MOB1B: variants seen among roughly 807,000 people sequenced by gnomAD.
The protein encoded by MOB1B is MOB1 Mps One Binder homolog B.
In MOB1B, 19 loss-of-function variants were observed where a neutral mutation model predicts 24.4. That is an observed-to-expected ratio of 0.78 (90% CI 0.54 to 1.14). The LOEUF is 1.14. MOB1B is among the 50% of genes most tolerant of loss of function. The pLI, the probability that MOB1B is intolerant of heterozygous loss-of-function variation, is 0.00. For synonymous variants in MOB1B, 76 were observed against 82.1 expected, an observed-to-expected ratio of 0.93 and a Z score of 0.40; for missense variants, 243 against 259.6, an observed-to-expected ratio of 0.94 and a Z score of 0.44.
chr4:70,965,864 C>T (rs1331469177), intron 2 of MOB1B, among the ~76,000 whole-genome samples: 1 of 145,906 alleles, frequency 6.9e-6, no homozygotes, highest in Non-Finnish European at 1.5e-5. Context: ...AAATTTATCC[C>T]AATAAATTTG....
rs1739368885 is a variant in MOB1B, at chr4:70,986,034, T to C, written c.*3977T>C. Reference sequence around the variant, plus strand: ...ATCACTTGGATGTGGAGGTTTTACTTTTTAAAAACATTCAGCTTAATTACC... The same window carrying C: ...ATCACTTGGATGTGGAGGTTTTACTCTTTAAAAACATTCAGCTTAATTACC... On this transcript the variant is annotated 3_prime_UTR_variant, in exon 6 of 6. Coordinates refer to ENST00000309395, the MANE Select transcript of MOB1B (RefSeq NM_173468.4). 6.6e-6 allele frequency: 1 copy of C among 152,238 alleles called. No individual in the cohort carries two copies. The highest frequency in any genetic ancestry group is 1.5e-5 in the Non-Finnish European group (1 of 68,040). 9.4% of individuals were successfully genotyped at this position (152,238 alleles called of 1,614,324 possible). A position where few individuals can be genotyped will look rare whatever the true frequency, so the allele number is the denominator to read the frequency against.
chr4:70,912,824 G>A (rs994674010), intron 1 of MOB1B, among the ~76,000 whole-genome samples: 10 of 152,084 alleles, frequency 6.6e-5, no homozygotes, highest in African/African-American at 1.4e-4. Flanking sequence ...GCAGTGGCCC[G>A]ATCTCGACTC....
intron 3 of MOB1B, among the ~76,000 whole-genome samples, chr4:70,971,053 T>A (rs1738733389): frequency 6.6e-6 from 1 of 152,250 alleles, no homozygotes; most frequent in African/African-American, 2.4e-5. Context: ...ACGGGACTGT[T>A]TACTTTGGAG....
In MOB1B at chr4:70,984,502, TTTAA is replaced by T. The variant is rs1305878594; in HGVS notation, c.*2452_*2455del. On this transcript the variant is annotated 3_prime_UTR_variant, in exon 6 of 6. Coordinates refer to ENST00000309395, the MANE Select transcript of MOB1B (RefSeq NM_173468.4). ...GTCTGTTGGATTCTTTTTGGATTTC[TTTAA>T]TTAATTTGTAAGTAACCAAGATAAT... 1 of 152,210 alleles carries T rather than the reference TTTAA, an allele frequency of 6.6e-6. No individual in the cohort carries two copies. The highest frequency in any genetic ancestry group is 2.4e-5 in the African/African-American group (1 of 41,456). The allele number at this position is 152,210 out of a possible 1,614,324, so 9.4% of individuals were successfully genotyped here. A position where few individuals can be genotyped will look rare whatever the true frequency, so the allele number is the denominator to read the frequency against.
At position 70,902,442 on chromosome 4, in the gene MOB1B, T is replaced by C. The variant is rs1464112605; in HGVS notation, c.-95T>C. The C allele has an allele frequency of 5.9e-6, 8 of 1,360,954 alleles. No individual in the cohort carries two copies. The highest frequency in any genetic ancestry group is 2.9e-5 in the African/African-American group (2 of 69,376). The allele number at this position is 1,360,954 out of a possible 1,614,324, so 84.3% of individuals were successfully genotyped here. Reference sequence around the variant, plus strand: ...CTCGGCACCTCCTCCTCCGCCTCCCTGTCTCCTGTTCCATTCGCCTTTCCT... The same window carrying C: ...CTCGGCACCTCCTCCTCCGCCTCCCCGTCTCCTGTTCCATTCGCCTTTCCT... On this transcript the variant is annotated 5_prime_UTR_variant, in exon 1 of 6. Transcript: ENST00000309395.
chr4:70,963,694 C>G (rs1738393569), intron 2 of MOB1B, among the ~76,000 whole-genome samples: 1 of 152,072 alleles, frequency 6.6e-6, no homozygotes. Flanking sequence ...GTGACACACA[C>G]CTGTGGTCCC....
intron 1 of MOB1B, among the ~76,000 whole-genome samples, chr4:70,922,080 T>C (rs2148873738): frequency 6.6e-6 from 1 of 152,350 alleles, no homozygotes; most frequent in South Asian, 2.1e-4. Flanking sequence ...TAATCCTTTC[T>C]GGCACATTTT....
Position 70,958,264 on chromosome 4 carries a change from A to C in MOB1B, c.15-610A>C, listed in dbSNP as rs142647823. On this transcript the variant is annotated intron_variant, in intron 1 of 5. Coordinates refer to ENST00000309395, the MANE Select transcript of MOB1B (RefSeq NM_173468.4). ...ACCACAACCTCTGCCTCCCGAGTTC[A>C]AGCGATTCTCCTGCCTCAGCCTCCT... Among the ~76,000 whole-genome samples, 47 of 151,718 alleles carry C rather than the reference A, an allele frequency of 3.1e-4. No homozygotes were observed. The East Asian group carries it at 8.5e-3, about 28-fold the overall frequency.
chr4:70,926,176 G>T (rs986532349), intron 1 of MOB1B, among the ~76,000 whole-genome samples: 1 of 152,040 alleles, frequency 6.6e-6, no homozygotes, highest in African/African-American at 2.4e-5. Flanking sequence ...TGTAGAGACA[G>T]GGTTTTGCCA....
intron 1 of MOB1B, among the ~76,000 whole-genome samples, chr4:70,910,483 T>C (rs1735937758): frequency 6.6e-6 from 1 of 151,808 alleles, no homozygotes; most frequent in Admixed American, 6.6e-5. Flanking sequence ...ATATATTTTT[T>C]TCTTAAAGGT....
In MOB1B at chr4:70,979,995, ATTATTGTTGTTG is replaced by A. The variant is rs1403732428; in HGVS notation, c.573+705_573+716del. ...AGCTGACCAGTTTTTTATTGTTGCT[ATTATTGTTGTTG>A]GAGGTTGAGAAGGGGAGATGGTCAT... On this transcript the variant is annotated intron_variant, in intron 5 of 5. Transcript: ENST00000309395. Among the ~76,000 whole-genome samples the A allele has an allele frequency of 4.6e-5, 7 of 152,320 alleles. No individual in the cohort carries two copies. The South Asian group carries it at 1.2e-3, about 27-fold the overall frequency.
chr4:70,979,710 G>GT (rs1352954152), intron 5 of MOB1B, among the ~76,000 whole-genome samples: 1 of 151,754 alleles, frequency 6.6e-6, no homozygotes, highest in Non-Finnish European at 1.5e-5. Flanking sequence ...TTGTCCTTTT[G>GT]TTTTTTTTAA....
intron 4 of MOB1B, among the ~76,000 whole-genome samples, chr4:70,978,016 T>C (rs1739068373): frequency 6.6e-6 from 1 of 152,196 alleles, no homozygotes; most frequent in Non-Finnish European, 1.5e-5. Context: ...TTTGTAACTA[T>C]GGTCCTCATG....
chr4:70,937,117 C>T (rs1737116737), intron 1 of MOB1B, among the ~76,000 whole-genome samples: 1 of 152,048 alleles, frequency 6.6e-6, no homozygotes, highest in African/African-American at 2.4e-5. Context: ...GGGGTTTTGC[C>T]ATATTGGCTA....
intron 2 of MOB1B, among the ~76,000 whole-genome samples, chr4:70,965,268 G>C (rs959350873): frequency 2.5e-5 from 3 of 121,128 alleles, no homozygotes; most frequent in Non-Finnish European, 4.7e-5. Context: ...CTGCACTCCA[G>C]CCTGGATGAC....
At chr4:70,969,797 A>C (rs1738682302) in intron 2 of MOB1B, 134 bp from the exon 3 acceptor site, 1 of 487,446 alleles carries the variant, frequency 2.1e-6, no homozygotes, top group Admixed American at 4.0e-5. Flanking sequence ...ATGTATTGAT[A>C]CTTCTGTGTA....
chr4:70,961,492 A>G (rs1202137740), intron 2 of MOB1B, among the ~76,000 whole-genome samples: 1 of 152,228 alleles, frequency 6.6e-6, no homozygotes, highest in Non-Finnish European at 1.5e-5. Flanking sequence ...TTCATCACAG[A>G]TAACTGAAAC....
rs1477055824 is a variant in MOB1B at position 70,984,831 on chromosome 4, AC to A, written c.*2776del. The stretch of plus-strand genomic sequence containing the variant: ...CTTGATTATTCCCTTTCTCTTAAAA[AC>A]CATGGCATTAGACTGCACTAAATTA... On this transcript the variant is annotated 3_prime_UTR_variant, in exon 6 of 6. Transcript: ENST00000309395. The A allele has an allele frequency of 6.6e-6, 1 of 152,128 alleles. No individual in the cohort carries two copies. The highest frequency in any genetic ancestry group is 1.5e-5 in the Non-Finnish European group (1 of 67,998). The allele number at this position is 152,128 out of a possible 1,614,324, so 9.4% of individuals were successfully genotyped here.
At chr4:70,975,079 T>C (rs1738925448) in intron 3 of MOB1B, 74 bp from the exon 4 acceptor site, 4 of 1,106,920 alleles carry the variant, frequency 3.6e-6, no homozygotes, top group Middle Eastern at 2.6e-4. Context: ...ATTAGTAATA[T>C]AGATACATAA....
Sources: allele counts gnomAD v4.1 joint callset (sites outside exome capture counted in the v4.1 genomes callset), GRCh38; gene constraint gnomAD v4.1.1; transcripts MANE v1.5; gene names NCBI Gene and HGNC (gene_info 2026-07-23, HGNC 2026-07-21).